Variants in PRIM2 observed in about 807,000 individuals in gnomAD.
PRIM2 encodes DNA primase subunit 2.
PRIM2 carries 39 observed loss-of-function variants against 67.3 expected under a neutral mutation model. That is an observed-to-expected ratio of 0.58 (90% confidence interval 0.45 to 0.76). The LOEUF is 0.76. Among genes scored for constraint, PRIM2 ranks in the 30% least tolerant of loss-of-function variants. PRIM2 has a pLI of 0.00. For synonymous variants in PRIM2, 143 were observed against 198.7 expected, an observed-to-expected ratio of 0.72 and a Z score of 2.36; for missense variants, 398 against 598.7, an observed-to-expected ratio of 0.66 and a Z score of 3.50.
intron 7 of PRIM2, among the ~76,000 whole-genome samples, chr6:57,392,810 A>G (rs1770398062): frequency 2.0e-5 from 3 of 151,842 alleles, no homozygotes; most frequent in Non-Finnish European, 4.4e-5. Flanking sequence ...CATTATTTGT[A>G]GTCTTATTTT....
chr6:57,286,559 G>A, the PRIM2 span, among the ~76,000 whole-genome samples: 4 of 151,974 alleles, frequency 2.6e-5, no homozygotes, highest in East Asian at 3.9e-4. Context: ...AGCCATATAC[G>A]GAAAACAGAA....
chr6:57,293,281 G>A, the PRIM2 span, among the ~76,000 whole-genome samples: 6 of 152,136 alleles, frequency 3.9e-5, no homozygotes, highest in Non-Finnish European at 1.5e-5. Context: ...CAAAACCACA[G>A]TGAGATACCA....
At chr6:57,380,088 C>G (rs1031784150) in intron 6 of PRIM2, 92 bp downstream of exon 6, 1 of 995,824 alleles carries the variant, frequency 1.0e-6, no homozygotes, top group African/African-American at 1.6e-5. Flanking sequence ...TTTATAGCCT[C>G]TCATCATCAC....
At chr6:57,262,480 C>T in the PRIM2 span, among the ~76,000 whole-genome samples, 1 of 152,178 alleles carries the variant, frequency 6.6e-6, no homozygotes, top group African/African-American at 2.4e-5. Flanking sequence ...CGTCTTCTGC[C>T]CTGTTATTTT....
intron 6 of PRIM2, 119 bp from the exon 7 acceptor site, chr6:57,381,912 T>C (rs1349160842): frequency 1.0e-6 from 1 of 998,874 alleles, no homozygotes; most frequent in Non-Finnish European, 1.4e-6. Flanking sequence ...ATCATTTTGA[T>C]ATTCTTTTGG....
At chr6:57,587,772 C>A (rs1429754100) in intron 10 of PRIM2, among the ~76,000 whole-genome samples, 1 of 150,522 alleles carries the variant, frequency 6.6e-6, no homozygotes, top group South Asian at 2.1e-4. Context: ...GGATTAGGCA[C>A]CAAGGGAAAT....
At chr6:57,423,186 G>T (rs1251433857) in intron 7 of PRIM2, among the ~76,000 whole-genome samples, 4 of 152,162 alleles carry the variant, frequency 2.6e-5, no homozygotes, top group Admixed American at 2.6e-4. Flanking sequence ...TTATACCTTG[G>T]TGTTTTTCTA....
the PRIM2 span, among the ~76,000 whole-genome samples, chr6:57,233,356 A>G: frequency 6.6e-6 from 1 of 152,240 alleles, no homozygotes; most frequent in Non-Finnish European, 1.5e-5. Flanking sequence ...ACAAAGATAC[A>G]TAAAACATTG....
the PRIM2 span, among the ~76,000 whole-genome samples, chr6:57,271,773 A>G: frequency 6.6e-6 from 1 of 152,192 alleles, no homozygotes; most frequent in African/African-American, 2.4e-5. Context: ...TTAGTGCTAT[A>G]AATTTCCTTC....
chr6:57,255,883 T>C, the PRIM2 span, among the ~76,000 whole-genome samples: 1 of 152,194 alleles, frequency 6.6e-6, no homozygotes. Flanking sequence ...CAAGCGCTTT[T>C]CAAAAGAGAA....
chr6:57,500,113 C>G (rs1468078023), intron 7 of PRIM2, among the ~76,000 whole-genome samples: 2 of 152,164 alleles, frequency 1.3e-5, no homozygotes, highest in Non-Finnish European at 2.9e-5. Context: ...TCCATCTTCC[C>G]CTTCTCTGAT....
At chr6:57,394,689 C>T in intron 7 of PRIM2, among the ~76,000 whole-genome samples, 1 of 152,124 alleles carries the variant, frequency 6.6e-6, no homozygotes, top group East Asian at 1.9e-4. Context: ...CTAGGACTTC[C>T]AGTACTATAT....
the PRIM2 span, among the ~76,000 whole-genome samples, chr6:57,259,284 T>C: frequency 6.6e-6 from 1 of 152,148 alleles, no homozygotes; most frequent in African/African-American, 2.4e-5. Context: ...GTTGGCTGAT[T>C]TAAGCTGGGC....
chr6:57,599,563 G>A (rs1398181360), intron 10 of PRIM2, among the ~76,000 whole-genome samples: 2 of 151,580 alleles, frequency 1.3e-5, no homozygotes, highest in African/African-American at 2.4e-5. Context: ...GATTTTTATA[G>A]CACTTTACTT....
chr6:57,452,171 T>C (rs1772577514), intron 7 of PRIM2, among the ~76,000 whole-genome samples: 1 of 152,204 alleles, frequency 6.6e-6, no homozygotes, highest in Non-Finnish European at 1.5e-5. Context: ...ATTTTCTTTA[T>C]CAAGTCTATC....
chr6:57,335,691 A>C (rs1332016916), intron 5 of PRIM2, among the ~76,000 whole-genome samples: 2 of 152,164 alleles, frequency 1.3e-5, no homozygotes, highest in Non-Finnish European at 2.9e-5. Context: ...GAAAGGACAA[A>C]CACACCAAAA....
chr6:57,507,298 C>T, intron 7 of PRIM2, 89 bp from the exon 8 acceptor site: 1 of 866,702 alleles, frequency 1.2e-6, no homozygotes, highest in Non-Finnish European at 1.7e-6. Flanking sequence ...GCCTCCCTAT[C>T]TGCCCTTCAG....
At chr6:57,343,821 T>C (rs1421411259) in intron 5 of PRIM2, among the ~76,000 whole-genome samples, 2 of 152,158 alleles carry the variant, frequency 1.3e-5, no homozygotes, top group African/African-American at 4.8e-5. Context: ...GGGGCTACTA[T>C]AATAGGTTTT....
At chr6:57,540,115 A>G (rs1467400955) in intron 10 of PRIM2, among the ~76,000 whole-genome samples, 1 of 152,224 alleles carries the variant, frequency 6.6e-6, no homozygotes, top group Non-Finnish European at 1.5e-5. Context: ...TTGCTCTGCC[A>G]TTGACATCAT....
Sources: allele counts gnomAD v4.1 joint callset (sites outside exome capture counted in the v4.1 genomes callset), GRCh38; gene constraint gnomAD v4.1.1; transcripts MANE v1.5; gene names NCBI Gene and HGNC (gene_info 2026-07-23, HGNC 2026-07-21).